DPH7: variants seen among roughly 807,000 people sequenced by gnomAD.
DPH7 encodes the protein diphthine methyltransferase.
Under a neutral mutation model 41.7 loss-of-function variants are expected in DPH7, and 44 were observed. The ratio of observed to expected loss-of-function variants is 1.05; its 90% CI spans 0.83 to 1.36. The LOEUF is 1.36. DPH7 is among the 40% of genes most tolerant of loss of function. The pLI is 0.00. For synonymous variants in DPH7, 275 were observed against 238.0 expected (o/e 1.16, Z -1.43); for missense variants, 629 against 577.5 (o/e 1.09, Z -0.91).
chr9:137,559,430 G>T (rs949504743), intron 8 of DPH7, among the ~76,000 whole-genome samples: 29 of 152,122 alleles, frequency 1.9e-4, no homozygotes, highest in Admixed American at 9.8e-4. Context: ...TTCCCCGGGG[G>T]AGTTTAGAGA....
chr9:137,573,479 C>T (rs1448251605), intron 5 of DPH7, among the ~76,000 whole-genome samples: 1 of 147,416 alleles, frequency 6.8e-6, no homozygotes, highest in Non-Finnish European at 1.5e-5. Flanking sequence ...GAGATCGAGA[C>T]CATCCTGGCT....
chr9:137,563,878 T>C (rs753519267), intron 8 of DPH7, among the ~76,000 whole-genome samples: 3 of 152,110 alleles, frequency 2.0e-5, no homozygotes, highest in South Asian at 4.2e-4. Context: ...TAGAGAAATG[T>C]TACAGATCAC....
At chr9:137,570,827 C>A (rs574392103) in intron 5 of DPH7, among the ~76,000 whole-genome samples, 2 of 152,328 alleles carry the variant, frequency 1.3e-5, no homozygotes, top group Admixed American at 1.3e-4. Context: ...ACAGTATAAT[C>A]TGCACCTGCT....
chr9:137,568,913 C>G (rs910643406), intron 5 of DPH7, among the ~76,000 whole-genome samples: 3 of 152,116 alleles, frequency 2.0e-5, no homozygotes, highest in African/African-American at 7.2e-5. Context: ...GTTGCCAGAT[C>G]AGAGCCCTGA....
chr9:137,565,050 G>A (rs1411922887), intron 6 of DPH7, 35 bp downstream of exon 6: 1 of 1,613,380 alleles, frequency 6.2e-7, no homozygotes, highest in Non-Finnish European at 8.5e-7. Context: ...GCGGGGGCTG[G>A]TGTGGGCACC....
At chr9:137,568,978 AAAGG>A (rs1242135673) in intron 5 of DPH7, among the ~76,000 whole-genome samples, 7 of 152,106 alleles carry the variant, frequency 4.6e-5, no homozygotes, top group Admixed American at 1.3e-4. Context: ...CATGCACCTG[AAAGG>A]AAGGTGCCCT....
At chr9:137,576,628 C>T (rs552871204) in intron 2 of DPH7, among the ~76,000 whole-genome samples, 1 of 152,140 alleles carries the variant, frequency 6.6e-6, no homozygotes, top group Non-Finnish European at 1.5e-5. Context: ...TCGTGGCTCA[C>T]GCCTGTAATC....
In DPH7 at chr9:137,578,847, G is replaced by T; in HGVS notation, c.-70C>A. ...GGCGGGGCCGGGCTGGGTACTGCGC[G>T]GGGCGGCGAGGCCGGGGCCGGCCGG... On this transcript the variant is annotated 5_prime_UTR_variant, in exon 1 of 9. Transcript: ENST00000277540. 7.6e-7 allele frequency: 1 copy of T among 1,322,210 alleles called. No homozygotes were observed. Among genetic ancestry groups the T allele is most frequent in the Non-Finnish European group, 9.7e-7 (1 of 1,030,244 alleles). 81.9% of individuals were successfully genotyped at this position (1,322,210 alleles called of 1,614,324 possible).
In DPH7 at chr9:137,574,804, C is replaced by T; in HGVS notation, c.415G>A (p.Glu139Lys). Residue 139 changes from glutamate to lysine, a missense_variant, in exon 4 of 9, where the codon GAG becomes AAG. Glu to Lys is a moderately conservative substitution (Grantham distance 56, BLOSUM62 1). Transcript: ENST00000277540. Reference sequence around the variant, plus strand: ...AGGGACAAAGCCAGACACTGCTCCTCCAGGGCAAGGCTGGACAATGGCTCC... The same window carrying T: ...AGGGACAAAGCCAGACACTGCTCCTTCAGGGCAAGGCTGGACAATGGCTCC... ...VLEPLSSLAL[E>K]EQCLALSLDW... 1.9e-6 allele frequency: 3 copies of T among 1,614,064 alleles called. No individual in the cohort carries two copies. The highest frequency in any genetic ancestry group is 2.5e-6 in the Non-Finnish European group (3 of 1,180,012).
chr9:137,565,025 G>C (rs1839349692), intron 6 of DPH7, 60 bp downstream of exon 6: 1 of 1,611,074 alleles, frequency 6.2e-7, no homozygotes, highest in African/African-American at 1.3e-5. Context: ...CGGGAGGGCT[G>C]GTGACCCAGG....
chr9:137,575,202 G>A, intron 3 of DPH7: 1 of 1,010,654 alleles, frequency 9.9e-7, no homozygotes, highest in Non-Finnish European at 1.2e-6. Context: ...TCCCACCCCA[G>A]GCCTCCAGGG....
In DPH7 at chr9:137,556,393, G is replaced by A. The variant is rs947289758; in HGVS notation, c.950-745C>T. Among the ~76,000 whole-genome samples the A allele has an allele frequency of 3.3e-5, 5 of 152,208 alleles. No individual in the cohort carries two copies. The highest frequency in any genetic ancestry group is 5.9e-5 in the Non-Finnish European group (4 of 68,034). On this transcript the variant is annotated intron_variant, in intron 8 of 8. Coordinates refer to ENST00000277540, the MANE Select transcript of DPH7 (RefSeq NM_138778.5). The surrounding 1 kb of genome is among the most constrained non-coding windows in gnomAD (Gnocchi z 5.2). ...TGAGCCAGGGGCTGCAAGGCTGGGT[G>A]GCCACTTGGGCTCTGAAAGGGCTGC...
chr9:137,578,474 T>C (rs1841834725), intron 1 of DPH7, 151 bp downstream of exon 1: 10 of 1,025,818 alleles, frequency 9.7e-6, no homozygotes, highest in South Asian at 2.0e-5. Context: ...CCGAGAACAA[T>C]TTTTTTAAAA....
chr9:137,575,559 C>A, intron 3 of DPH7: 1 of 994,334 alleles, frequency 1.0e-6, no homozygotes, highest in South Asian at 4.5e-5. Context: ...GCATCTGCAT[C>A]GGAGTGAGGG....
At position 137,555,618 on chromosome 9, in the gene DPH7, G is replaced by A. The variant is rs747419748; in HGVS notation, c.980C>T (p.Ser327Phe). ...EERQEATVLT[S>F]HTLPDSLVYG... ...CACCAGCGAGTCGGGCAATGTGTGA[G>A]ATGTCAGGACCGTCGCCTCCTGCCT... The change falls in exon 9 of 9, where the codon TCT (serine) becomes TTT (phenylalanine). Residue 327 changes from serine (S) to phenylalanine (F), a missense_variant. Ser to Phe is a radical substitution (Grantham distance 155). Transcript: ENST00000277540. The A allele has an allele frequency of 7.8e-5, 126 of 1,610,592 alleles. No homozygotes were observed. The highest frequency in any genetic ancestry group is 1.0e-4 in the Non-Finnish European group (119 of 1,177,916).
intron 4 of DPH7, 66 bp from the exon 5 acceptor site, chr9:137,574,446 A>G: frequency 6.4e-7 from 1 of 1,565,032 alleles, no homozygotes; most frequent in African/African-American, 1.4e-5. Context: ...CTGGTTCCCA[A>G]ACAAGTCCTG....
chr9:137,573,378 A>C (rs1840791256), intron 5 of DPH7, among the ~76,000 whole-genome samples: 1 of 136,806 alleles, frequency 7.3e-6, no homozygotes, highest in Admixed American at 7.6e-5. Context: ...AAAAAAAAAA[A>C]AAAAAGAATA....
Position 137,564,420 on chromosome 9 carries a change from G to A in DPH7, c.949+14C>T, listed in dbSNP as rs371653363. On this transcript the variant is annotated intron_variant, in intron 8 of 8. Coordinates refer to ENST00000277540, the MANE Select transcript of DPH7 (RefSeq NM_138778.5). The stretch of plus-strand genomic sequence containing the variant: ...CCCTGCCCTGAGGCCCAGCAGCCAC[G>A]GGTCCCCACTCACCCATTGCCTTTT... 98 of 1,603,678 alleles carry A rather than the reference G, an allele frequency of 6.1e-5. No individual in the cohort carries two copies. In the African/African-American group the frequency reaches 9.6e-4, roughly 16 times the overall value.
Position 137,574,210 on chromosome 9 carries a change from G to C in DPH7, c.638C>G (p.Ser213Ter). ...FNYWHPEIVY[S>*]GGDDGLLRGW... is the part of the protein sequence containing the mutation. ...GTGACCGGTGGAGGAATACTGACCTGAATACACAATTTCTGGATGCCAGTA... is the reference window on the plus strand; with the variant it reads ...GTGACCGGTGGAGGAATACTGACCTCAATACACAATTTCTGGATGCCAGTA... Residue 213 changes from serine to a stop codon, truncating the protein, a stop_gained and splice_region_variant, in exon 5 of 9, where the codon TCA becomes TGA. Coordinates refer to ENST00000277540, the MANE Select transcript of DPH7 (RefSeq NM_138778.5). LOFTEE classifies it high-confidence loss of function. 1.2e-6 allele frequency: 2 copies of C among 1,614,016 alleles called. No homozygotes were observed. Among genetic ancestry groups the C allele is most frequent in the Non-Finnish European group, 1.7e-6 (2 of 1,179,978 alleles).
Sources: allele counts gnomAD v4.1 joint callset (sites outside exome capture counted in the v4.1 genomes callset), GRCh38; gene constraint gnomAD v4.1.1; non-coding constraint Gnocchi (gnomAD v3.1); transcripts MANE v1.5; gene names NCBI Gene and HGNC (gene_info 2026-07-23, HGNC 2026-07-21).